SNW1: variants seen among roughly 807,000 people sequenced by gnomAD.
The protein encoded by SNW1 is SNW domain-containing protein 1.
Under a neutral mutation model 75.6 loss-of-function variants are expected in SNW1, and 9 were observed. That is an observed-to-expected ratio of 0.12 (90% CI 0.07 to 0.21). SNW1 has a LOEUF of 0.21. Among genes scored for constraint, SNW1 ranks in the 10% least tolerant of loss-of-function variants. SNW1 has a pLI of 1.00. For synonymous variants in SNW1, 200 were observed against 219.1 expected (o/e 0.91, Z 0.77); for missense variants, 409 against 670.9 (o/e 0.61, Z 4.31).
At chr14:77,756,563 T>C (rs10138037) in intron 1 of SNW1, among the ~76,000 whole-genome samples, 1,605 of 152,308 alleles carry the variant, frequency 0.011, 33 homozygotes, top group African/African-American at 0.037. Flanking sequence ...TATTTAAGTG[T>C]CAAGGGTATC....
intron 10 of SNW1, among the ~76,000 whole-genome samples, chr14:77,727,909 G>A (rs561216284): frequency 3.3e-5 from 5 of 152,226 alleles, no homozygotes; most frequent in South Asian, 4.1e-4. Flanking sequence ...CTTGTAGAAT[G>A]AATTTGGAAG....
intron 1 of SNW1, among the ~76,000 whole-genome samples, chr14:77,755,426 CT>C (rs1308187366): frequency 5.4e-5 from 8 of 148,760 alleles, no homozygotes; most frequent in African/African-American, 4.9e-5. Context: ...TCCATATTTC[CT>C]TTTTTTTTTG....
At chr14:77,743,369 A>G (rs1389844894) in intron 3 of SNW1, among the ~76,000 whole-genome samples, 1 of 152,228 alleles carries the variant, frequency 6.6e-6, no homozygotes, top group African/African-American at 2.4e-5. Context: ...TCACATGTAG[A>G]GAATTGCCTT....
chr14:77,759,485 G>A (rs1158591345), intron 1 of SNW1, among the ~76,000 whole-genome samples: 3 of 152,152 alleles, frequency 2.0e-5, no homozygotes, highest in Non-Finnish European at 2.9e-5. Context: ...CTGCACTCCA[G>A]CCTGGGCAAG....
intron 10 of SNW1, among the ~76,000 whole-genome samples, chr14:77,723,661 T>C (rs2080561801): frequency 6.6e-6 from 1 of 152,048 alleles, no homozygotes; most frequent in Non-Finnish European, 1.5e-5. Context: ...CATTAGTATT[T>C]TGTTTGTTTT....
intron 12 of SNW1, among the ~76,000 whole-genome samples, chr14:77,719,420 G>A (rs557599524): frequency 5.2e-4 from 79 of 152,172 alleles, no homozygotes; most frequent in East Asian, 1.2e-3. Flanking sequence ...GGAGGATCAC[G>A]AGGTCAGGAG....
At chr14:77,729,914 A>C (rs1240841811) in intron 10 of SNW1, among the ~76,000 whole-genome samples, 1 of 152,194 alleles carries the variant, frequency 6.6e-6, no homozygotes, top group African/African-American at 2.4e-5. Context: ...TCTTTAGGTT[A>C]AAGGGCCATA....
intron 8 of SNW1, among the ~76,000 whole-genome samples, chr14:77,734,661 C>T (rs1177202278): frequency 2.0e-5 from 3 of 152,134 alleles, no homozygotes; most frequent in Non-Finnish European, 4.4e-5. Flanking sequence ...TCGCTTCAAC[C>T]TGGGAGGTGG....
chr14:77,751,820 ACACACACACACACACACACACACAC>A (rs894368367), intron 2 of SNW1, among the ~76,000 whole-genome samples: 5 of 117,810 alleles, frequency 4.2e-5, no homozygotes, highest in African/African-American at 9.2e-5. Context: ...ACACACACAC[ACACACACACACACACACACACACAC>A]CACACACACA....
intron 1 of SNW1, among the ~76,000 whole-genome samples, chr14:77,758,198 C>T (rs752525327): frequency 1.3e-5 from 2 of 151,048 alleles, no homozygotes; most frequent in African/African-American, 4.9e-5. Flanking sequence ...GGCGTGGTGG[C>T]GGACGCCTGT....
At chr14:77,753,263 T>C (rs1311585789) in intron 2 of SNW1, among the ~76,000 whole-genome samples, 1 of 152,212 alleles carries the variant, frequency 6.6e-6, no homozygotes, top group African/African-American at 2.4e-5. Flanking sequence ...CCAAGTATCG[T>C]AATGCTGAAA....
intron 10 of SNW1, among the ~76,000 whole-genome samples, chr14:77,728,853 C>T (rs1472099196): frequency 3.3e-5 from 5 of 152,164 alleles, no homozygotes; most frequent in Non-Finnish European, 7.3e-5. Context: ...CAGAGTGGTG[C>T]CCACCATAAG....
At chr14:77,754,840 A>G (rs1211578941) in intron 2 of SNW1, 127 bp downstream of exon 2, 8 of 821,022 alleles carry the variant, frequency 9.7e-6, no homozygotes, top group Non-Finnish European at 1.5e-5. Flanking sequence ...TCTTGAGAGC[A>G]CATAACCAGA....
intron 7 of SNW1, among the ~76,000 whole-genome samples, chr14:77,735,306 A>G (rs910447120): frequency 5.3e-5 from 8 of 152,022 alleles, no homozygotes; most frequent in African/African-American, 1.9e-4. Flanking sequence ...TTTTATTGAG[A>G]CGGGGTTTCG....
At chr14:77,721,440 CTGTT>C (rs2080539991) in intron 11 of SNW1, among the ~76,000 whole-genome samples, 1 of 152,152 alleles carries the variant, frequency 6.6e-6, no homozygotes, top group Non-Finnish European at 1.5e-5. Flanking sequence ...TTTCTATAGG[CTGTT>C]TGATTTTCAT....
In SNW1 at chr14:77,718,631, C is replaced by T. The variant is rs1293694511; in HGVS notation, c.1249-101G>A. 4.3e-6 allele frequency: 3 copies of T among 691,106 alleles called. No individual in the cohort carries two copies. The Admixed American group carries it at 8.5e-5, about 19-fold the overall frequency. The allele number at this position is 691,106 out of a possible 1,614,324, so 42.8% of individuals were successfully genotyped here. A position where few individuals can be genotyped will look rare whatever the true frequency, so the allele number is the denominator to read the frequency against. The stretch of plus-strand genomic sequence containing the variant: ...TAAACCCTTGCTAATGTACAGCTCA[C>T]ATTTTCAACAATCTGAACTGCAAAT... On this transcript the variant is annotated intron_variant, in intron 12 of 13. Transcript: ENST00000261531.
At chr14:77,751,840 A>AC (rs1315999471) in intron 2 of SNW1, among the ~76,000 whole-genome samples, 2 of 123,014 alleles carry the variant, frequency 1.6e-5, no homozygotes, top group African/African-American at 5.9e-5. Context: ...ACACACACAC[A>AC]CACACCACAC....
intron 1 of SNW1, among the ~76,000 whole-genome samples, chr14:77,760,341 A>G (rs1012803464): frequency 2.5e-4 from 38 of 152,292 alleles, no homozygotes; most frequent in Middle Eastern, 3.4e-3. Flanking sequence ...ACCTTCCTGA[A>G]CACTAGCCTT....
intron 2 of SNW1, among the ~76,000 whole-genome samples, chr14:77,754,246 G>A (rs1174586592): frequency 6.6e-6 from 1 of 151,904 alleles, no homozygotes; most frequent in Non-Finnish European, 1.5e-5. Flanking sequence ...GTTGCTCCAT[G>A]TTGGTCAGGC....
Sources: gnomAD v4.1 joint callset for allele counts (sites outside exome capture counted in the v4.1 genomes callset) on GRCh38, gnomAD v4.1.1 for gene constraint, MANE v1.5 for transcripts, NCBI Gene and HGNC (gene_info 2026-07-23, HGNC 2026-07-21) for gene names.